HTR4: variants seen among roughly 807,000 people sequenced by gnomAD.
HTR4 encodes the protein 5-hydroxytryptamine receptor 4.
HTR4 carries 16 observed loss-of-function variants against 36.8 expected under a neutral mutation model. The ratio of observed to expected loss-of-function variants is 0.43; its 90% CI spans 0.29 to 0.66. The LOEUF (loss-of-function observed/expected upper bound fraction) is 0.66, where lower values mean the gene tolerates loss of function less well. HTR4 is among the 30% of genes least tolerant of loss of function. The probability of loss-of-function intolerance (pLI) is 0.13; values close to 1 mark genes in which losing one functional copy is unlikely to be tolerated. For missense variants in HTR4, 438 were observed against 490.9 expected (o/e 0.89, Z 1.02); for synonymous variants, 189 against 185.1 (o/e 1.02, Z -0.17).
chr5:148,507,056 T>C (rs543064181), intron 6 of HTR4, among the ~76,000 whole-genome samples: 19 of 152,246 alleles, frequency 1.2e-4, no homozygotes, highest in African/African-American at 4.6e-4. Flanking sequence ...ATCATGCTGC[T>C]ATAAAGACAC....
At chr5:148,631,695 A>T (rs1411476597) in intron 2 of HTR4, among the ~76,000 whole-genome samples, 2 of 152,130 alleles carry the variant, frequency 1.3e-5, no homozygotes, top group African/African-American at 4.8e-5. Context: ...AGATTGGAAA[A>T]TTTCAATTCA....
chr5:148,523,435 G>A, intron 4 of HTR4, 89 bp from the exon 5 acceptor site: 1 of 1,082,666 alleles, frequency 9.2e-7, no homozygotes, highest in Non-Finnish European at 1.3e-6. Context: ...GAAAAGGGGA[G>A]GAAGAGGGGA....
chr5:148,567,606 C>T (rs1486317180), intron 2 of HTR4, among the ~76,000 whole-genome samples: 2 of 152,004 alleles, frequency 1.3e-5, no homozygotes, highest in Non-Finnish European at 2.9e-5. Context: ...CCCTCTGCTC[C>T]AGGCACAAAC....
chr5:148,527,038 C>T (rs72832058), intron 4 of HTR4, among the ~76,000 whole-genome samples: 1 of 152,104 alleles, frequency 6.6e-6, no homozygotes, highest in South Asian at 2.1e-4. Flanking sequence ...TTGGAATGCT[C>T]TCAACACAAA....
At chr5:148,480,801 C>T (rs1755853876), downstream of HTR4, among the ~76,000 whole-genome samples, 1 of 152,086 alleles carries the variant, frequency 6.6e-6, no homozygotes, top group Non-Finnish European at 1.5e-5. Flanking sequence ...GTTGGTTTAC[C>T]TCCCGGTAAA....
At chr5:148,506,806 A>C (rs552726914) in intron 6 of HTR4, among the ~76,000 whole-genome samples, 1 of 152,338 alleles carries the variant, frequency 6.6e-6, no homozygotes, top group Admixed American at 6.5e-5. Context: ...GAGAAATGCA[A>C]ATCAAAACCA....
At chr5:148,569,799 G>C (rs1402649318) in intron 2 of HTR4, among the ~76,000 whole-genome samples, 1 of 151,954 alleles carries the variant, frequency 6.6e-6, no homozygotes, top group East Asian at 1.9e-4. Context: ...AATATAAGTA[G>C]ATCCAGAGGT....
intron 5 of HTR4, among the ~76,000 whole-genome samples, chr5:148,465,442 C>T (rs1434306618): frequency 6.6e-6 from 1 of 152,084 alleles, no homozygotes; most frequent in African/African-American, 2.4e-5. Context: ...CTTATTTAGT[C>T]ACGATCAATT....
chr5:148,639,617 G>A (rs1238587777), intron 1 of HTR4, among the ~76,000 whole-genome samples: 6 of 111,856 alleles, frequency 5.4e-5, no homozygotes, highest in Admixed American at 9.0e-5. Flanking sequence ...TTTCTTCCCA[G>A]TATATATATA....
chr5:148,596,604 T>A (rs1051483690), intron 2 of HTR4, among the ~76,000 whole-genome samples: 1 of 151,802 alleles, frequency 6.6e-6, no homozygotes, highest in African/African-American at 2.4e-5. Context: ...CCATTAAATG[T>A]CAGAAGCATC....
intron 2 of HTR4, among the ~76,000 whole-genome samples, chr5:148,575,297 G>C (rs1760848909): frequency 2.0e-5 from 3 of 151,996 alleles, no homozygotes; most frequent in Admixed American, 1.3e-4. Flanking sequence ...TTGCACATTG[G>C]CTCAGAAACT....
At chr5:148,500,917 C>T (rs139563728) in intron 6 of HTR4, among the ~76,000 whole-genome samples, 258 of 152,160 alleles carry the variant, frequency 1.7e-3, no homozygotes, top group Middle Eastern at 6.8e-3. Context: ...CAAATTGTTA[C>T]AGTGTGTTAG....
intron 2 of HTR4, among the ~76,000 whole-genome samples, chr5:148,557,311 G>T (rs959939221): frequency 3.3e-5 from 5 of 152,074 alleles, no homozygotes; most frequent in African/African-American, 9.7e-5. Flanking sequence ...TAAAGAGATA[G>T]ATAACAAAAA....
chr5:148,638,706 ACTT>A (rs979885495), intron 1 of HTR4, among the ~76,000 whole-genome samples: 8 of 152,002 alleles, frequency 5.3e-5, no homozygotes, highest in Admixed American at 6.6e-5. Flanking sequence ...GACCAGAAAA[ACTT>A]CTTCTCATAC....
At chr5:148,646,637 C>T (rs1250983661) in intron 1 of HTR4, among the ~76,000 whole-genome samples, 3 of 152,024 alleles carry the variant, frequency 2.0e-5, no homozygotes, top group African/African-American at 7.2e-5. Flanking sequence ...TAAAACTATA[C>T]CCATAGATTT....
intron 2 of HTR4, among the ~76,000 whole-genome samples, chr5:148,560,440 C>T (rs866558039): frequency 2.6e-5 from 4 of 152,130 alleles, no homozygotes; most frequent in African/African-American, 7.2e-5. Flanking sequence ...ATGCTGATGT[C>T]GATGCTGGTC....
intron 6 of HTR4, among the ~76,000 whole-genome samples, chr5:148,496,068 C>A (rs1008608164): frequency 6.6e-6 from 1 of 152,128 alleles, no homozygotes; most frequent in African/African-American, 2.4e-5. Flanking sequence ...CCACTGCACT[C>A]CAGCCTGGGT....
chr5:148,585,968 T>C (rs1222662956), intron 2 of HTR4, among the ~76,000 whole-genome samples: 2 of 152,220 alleles, frequency 1.3e-5, no homozygotes, highest in Non-Finnish European at 2.9e-5. Context: ...TTTATTTGTA[T>C]GGCATTCATT....
At chr5:148,476,593 G>A, downstream of HTR4, 5 of 1,490,500 alleles carry the variant, frequency 3.4e-6, no homozygotes, top group Non-Finnish European at 4.5e-6. Flanking sequence ...TGGTACAGTG[G>A]AGATGCCGTA....
Sources: gnomAD v4.1 joint callset for allele counts (sites outside exome capture counted in the v4.1 genomes callset) on GRCh38, gnomAD v4.1.1 for gene constraint, MANE v1.5 for transcripts, NCBI Gene and HGNC (gene_info 2026-07-23, HGNC 2026-07-21) for gene names.